Variants in TLR10 observed in about 807,000 individuals in gnomAD.
TLR10 encodes the protein toll-like receptor 10.
For missense variants in TLR10, 929 were observed against 932.9 expected (o/e 1.00, Z 0.05); for synonymous variants, 288 against 338.8 (o/e 0.85, Z 1.65).
At position 38,775,389 on chromosome 4, in the gene TLR10, A is replaced by T. The variant is rs1724991501; in HGVS notation, c.202T>A (p.Phe68Ile). The change falls in exon 4 of 4, where the codon TTT becomes ATT. Residue 68 changes from phenylalanine to isoleucine, a missense_variant. Physicochemically the swap from Phe to Ile is conservative, Grantham distance 21 (BLOSUM62 0). Transcript: ENST00000308973. ...NLLFQLQSSD[F>I]HSVSKLRVLI... is the part of the protein sequence containing the mutation. ...ACTCTCAGTTTGGAGACAGAATGAA[A>T]ATCTGAACTCTGGAGTTGAAAAAGG... 1 of 1,614,036 alleles carries T rather than the reference A, an allele frequency of 6.2e-7. No homozygotes were observed. Among genetic ancestry groups the T allele is most frequent in the African/African-American group, 1.3e-5 (1 of 74,934 alleles).
At chr4:38,779,098 G>C (rs1429913866) in intron 1 of TLR10, 1 of 152,158 alleles carries the variant, frequency 6.6e-6, no homozygotes, top group East Asian at 1.9e-4. Context: ...TTTTCCATTA[G>C]CTGCTGATAC....
intron 1 of TLR10, among the ~76,000 whole-genome samples, chr4:38,779,719 A>G (rs939901973): frequency 6.6e-6 from 1 of 152,240 alleles, no homozygotes; most frequent in African/African-American, 2.4e-5. Flanking sequence ...TCTTAAAACT[A>G]TACATTAAAA....
rs1579174846 is a variant in TLR10 at position 38,774,591 on chromosome 4, A to G, written c.1000T>C (p.Ser334Pro). 5 of 1,594,724 alleles carry G rather than the reference A, an allele frequency of 3.1e-6. No individual in the cohort carries two copies. The highest frequency in any genetic ancestry group is 3.4e-6 in the Non-Finnish European group (4 of 1,173,986). ...TKMDIENLTI[S>P]NAQMPHMLFP... ...AGCATGTGTGGCATTTGTGCATTTG[A>G]TATTGTCAGGTTTTCTATGTCCATT... The change falls in exon 4 of 4, where the codon TCA becomes CCA. Residue 334 changes from serine (S) to proline (P), a missense_variant. Physicochemically the swap from Ser to Pro is moderately conservative, Grantham distance 74. Transcript: ENST00000308973.
intron 1 of TLR10, among the ~76,000 whole-genome samples, chr4:38,780,393 G>T (rs1402331628): frequency 3.4e-5 from 4 of 117,608 alleles, no homozygotes; most frequent in East Asian, 2.7e-4. Flanking sequence ...AACAGAGCAA[G>T]ACTCAGTTTC....
chr4:38,782,376 A>G (rs1030038621), intron 1 of TLR10, among the ~76,000 whole-genome samples: 3 of 152,168 alleles, frequency 2.0e-5, no homozygotes, highest in African/African-American at 7.2e-5. Context: ...TTATCAAGAA[A>G]CCAAATGCTC....
intron 1 of TLR10, among the ~76,000 whole-genome samples, chr4:38,777,997 C>T (rs1725162821): frequency 6.6e-6 from 1 of 152,162 alleles, no homozygotes; most frequent in African/African-American, 2.4e-5. Context: ...GATACATGCA[C>T]ACACGTGTTT....
In TLR10 at chr4:38,774,472, G is replaced by A. The variant is rs764040654; in HGVS notation, c.1119C>T (p.His373=). ...ELFKRTIQLP[H]LKTLILNGNK... Reference sequence around the variant, plus strand: ...TGCCATTCAAAATGAGAGTTTTCAAGTGAGGCAGTTGGATAGTTCTTTTAA... The same window carrying A: ...TGCCATTCAAAATGAGAGTTTTCAAATGAGGCAGTTGGATAGTTCTTTTAA... The change falls in exon 4 of 4, where the codon CAC becomes CAT. Residue 373 remains histidine, a synonymous_variant. Transcript: ENST00000308973. The A allele has an allele frequency of 6.2e-7, 1 of 1,605,750 alleles. No homozygotes were observed. Among genetic ancestry groups the A allele is most frequent in the South Asian group, 1.1e-5 (1 of 88,862 alleles).
chr4:38,773,668 AC>A lies in TLR10; in HGVS notation c.1922del (p.Ser641MetfsTer8). 1 of 1,611,798 alleles carries A rather than the reference AC, an allele frequency of 6.2e-7. No individual in the cohort carries two copies. The highest frequency in any genetic ancestry group is 8.5e-7 in the Non-Finnish European group (1 of 1,178,982). On this transcript the variant is annotated frameshift_variant, in exon 4 of 4. Coordinates refer to ENST00000308973, the MANE Select transcript of TLR10 (RefSeq NM_030956.4). LOFTEE classifies it low-confidence loss of function (END_TRUNC). ...NVRFHAFISYSEHDSLWVKNE... is the reference protein window; with the variant it reads ...NVRFHAFISYXEHDSLWVKNE... ...TCTTCACCCACAGAGAATCATGTTC[AC>A]TGTATGAAATAAATGCGTGGAATCG... is the stretch of plus-strand genomic sequence containing the variant.
chr4:38,775,466 A>G lies in TLR10; in HGVS notation c.125T>C (p.Val42Ala). 6.2e-7 allele frequency: 1 copy of G among 1,614,068 alleles called. No individual in the cohort carries two copies. The highest frequency in any genetic ancestry group is 8.5e-7 in the Non-Finnish European group (1 of 1,180,002). Residue 42 changes from valine (V) to alanine (A), a missense_variant, in exon 4 of 4, where the codon GTT becomes GCT. Physicochemically the swap from Val to Ala is moderately conservative, Grantham distance 64. Transcript: ENST00000308973. ...TGTGGCTGGGGTCAAGTCTGCGGGA[A>G]CCTTTCTTAGAGACATGTTGGAGCA... is the stretch of plus-strand genomic sequence containing the variant. ...TNCSNMSLRK[V>A]PADLTPATTT... is the part of the protein sequence containing the mutation.
rs1229170498 is a variant in TLR10 at position 38,775,152 on chromosome 4, G to A, written c.439C>T (p.Leu147=). The A allele has an allele frequency of 1.2e-6, 2 of 1,613,682 alleles. No individual in the cohort carries two copies. Among genetic ancestry groups the A allele is most frequent in the East Asian group, 2.2e-5 (1 of 44,894 alleles). Residue 147 remains leucine, a synonymous_variant, in exon 4 of 4, where the codon CTA becomes TTA. Coordinates refer to ENST00000308973, the MANE Select transcript of TLR10 (RefSeq NM_030956.4). ...TGTATTTTTGCCCCACTCAAACCTA[G>A]GATTTCCAGGTGTGACATGTTGCCA... ...EAGNMSHLEI[L]GLSGAKIQKS... is the part of the protein sequence containing the mutation.
chr4:38,775,736 C>T (rs1313325840), intron 3 of TLR10, 39 bp downstream of exon 3: 5 of 766,918 alleles, frequency 6.5e-6, no homozygotes, highest in South Asian at 2.4e-5. Flanking sequence ...ATGCCAACAT[C>T]TGACTACATT....
chr4:38,779,503 C>A (rs1725266287), intron 1 of TLR10, among the ~76,000 whole-genome samples: 2 of 152,074 alleles, frequency 1.3e-5, no homozygotes, highest in Admixed American at 1.3e-4. Flanking sequence ...TCAGAAAAAA[C>A]AGGTGAATAT....
In TLR10 at chr4:38,773,103, T is replaced by G; in HGVS notation, c.*52A>C. 15 of 1,420,452 alleles carry G rather than the reference T, an allele frequency of 1.1e-5. No homozygotes were observed. Among genetic ancestry groups the G allele is most frequent in the Non-Finnish European group, 1.4e-5 (15 of 1,082,910 alleles). 88.0% of individuals were successfully genotyped at this position (1,420,452 alleles called of 1,614,324 possible). A position where few individuals can be genotyped will look rare whatever the true frequency, so the allele number is the denominator to read the frequency against. ...ATTGCCATCATAAAGGTTGTATCAA[T>G]GTACATCCCAACAGTGTATGTGGTC... is the stretch of plus-strand genomic sequence containing the variant. On this transcript the variant is annotated 3_prime_UTR_variant, in exon 4 of 4. Coordinates refer to ENST00000308973, the MANE Select transcript of TLR10 (RefSeq NM_030956.4).
Position 38,773,872 on chromosome 4 carries a change from A to G in TLR10, c.1719T>C (p.Ser573=), listed in dbSNP as rs1345794115. The G allele has an allele frequency of 2.5e-6, 4 of 1,593,456 alleles. No homozygotes were observed. The East Asian group carries it at 6.7e-5, about 27-fold the overall frequency. Residue 573 remains serine (S), a synonymous_variant, in exon 4 of 4, where the codon TCT becomes TCC. Coordinates refer to ENST00000308973, the MANE Select transcript of TLR10 (RefSeq NM_030956.4). ...TGACAATCAACAGAGCTGTGTTGCA[A>G]GATAATTCGTGGAGATGAACGTCTT... ...RLKDVHLHEL[S]CNTALLIVTI... is the part of the protein sequence containing the mutation.
intron 1 of TLR10, among the ~76,000 whole-genome samples, chr4:38,780,204 C>T (rs1407836501): frequency 6.6e-6 from 1 of 151,800 alleles, no homozygotes; most frequent in South Asian, 2.1e-4. Flanking sequence ...AGATCAAGAC[C>T]ATCCTGGCTA....
chr4:38,773,108 A>C lies in TLR10; in HGVS notation c.*47T>G, dbSNP rs746184222. 7.6e-6 allele frequency: 11 copies of C among 1,441,330 alleles called. No individual in the cohort carries two copies. Among genetic ancestry groups the C allele is most frequent in the Non-Finnish European group, 9.1e-6 (10 of 1,097,862 alleles). The allele number at this position is 1,441,330 out of a possible 1,614,324, so 89.3% of individuals were successfully genotyped here. A position where few individuals can be genotyped will look rare whatever the true frequency, so the allele number is the denominator to read the frequency against. Reference sequence around the variant, plus strand: ...CATCATAAAGGTTGTATCAATGTACATCCCAACAGTGTATGTGGTCCCCAA... The same window carrying C: ...CATCATAAAGGTTGTATCAATGTACCTCCCAACAGTGTATGTGGTCCCCAA... On this transcript the variant is annotated 3_prime_UTR_variant, in exon 4 of 4. Transcript: ENST00000308973.
In TLR10 at chr4:38,775,508, C is replaced by T; in HGVS notation, c.83G>A (p.Arg28Lys). 6.2e-7 allele frequency: 1 copy of T among 1,614,072 alleles called. No homozygotes were observed. The highest frequency in any genetic ancestry group is 8.5e-7 in the Non-Finnish European group (1 of 1,180,014). ...EGDAPELPEE[R>K]ELMTNCSNMS... Reference sequence around the variant, plus strand: ...GTTGGAGCAGTTGGTCATCAGTTCCCTTTCTTCTGGCAGCTCTGGAGCATC... The same window carrying T: ...GTTGGAGCAGTTGGTCATCAGTTCCTTTTCTTCTGGCAGCTCTGGAGCATC... The change falls in exon 4 of 4, where the codon AGG becomes AAG. Residue 28 changes from arginine (R) to lysine (K), a missense_variant. Arg to Lys is a conservative substitution (Grantham distance 26). Coordinates refer to ENST00000308973, the MANE Select transcript of TLR10 (RefSeq NM_030956.4).
chr4:38,777,971 A>G (rs1303157513), intron 1 of TLR10, among the ~76,000 whole-genome samples: 1 of 152,238 alleles, frequency 6.6e-6, no homozygotes, highest in Non-Finnish European at 1.5e-5. Context: ...AGGATTATAA[A>G]TCATTCTACT....
In TLR10 at chr4:38,774,189, A is replaced by G. The variant is rs760536096; in HGVS notation, c.1402T>C (p.Leu468=). Residue 468 remains leucine, a synonymous_variant, in exon 4 of 4, where the codon TTA becomes CTA. Coordinates refer to ENST00000308973, the MANE Select transcript of TLR10 (RefSeq NM_030956.4). ...TTAAATGCAATATTTAGTTCTCGTA[A>G]GGCCATCAGATGAATAGTCTCTTTA... ...VPKETIHLMA[L]RELNIAFNFL... is the part of the protein sequence containing the mutation. 1 of 1,612,990 alleles carries G rather than the reference A, an allele frequency of 6.2e-7. No homozygotes were observed. The highest frequency in any genetic ancestry group is 8.5e-7 in the Non-Finnish European group (1 of 1,179,654).
Sources: gnomAD v4.1 joint callset for allele counts (sites outside exome capture counted in the v4.1 genomes callset) on GRCh38, gnomAD v4.1.1 for gene constraint, MANE v1.5 for transcripts, NCBI Gene and HGNC (gene_info 2026-07-23, HGNC 2026-07-21) for gene names.